Variants in CCDC7 observed in about 807,000 individuals in gnomAD.
CCDC7 encodes coiled-coil domain-containing protein 7.
CCDC7 carries 183 observed loss-of-function variants against 196.9 expected under a neutral mutation model. That is an observed-to-expected ratio of 0.93 (90% CI 0.82 to 1.05). CCDC7 has a LOEUF of 1.05. Among genes scored for constraint, CCDC7 ranks in the 50% least tolerant of loss-of-function variants. The pLI is 0.00. For synonymous variants in CCDC7, 525 were observed against 484.6 expected (o/e 1.08, Z -1.10); for missense variants, 1,540 against 1,482.2 (o/e 1.04, Z -0.64).
chr10:32,589,342 T>C (rs998345313), intron 18 of CCDC7, among the ~76,000 whole-genome samples: 2 of 152,222 alleles, frequency 1.3e-5, no homozygotes, highest in Admixed American at 1.3e-4. Context: ...ATTCTTTTTA[T>C]GGCTGAATAG....
rs2077355280 is a variant in CCDC7, at chr10:32,693,739, G to A, written c.2345-1140G>A. Among the ~76,000 whole-genome samples, 3 of 152,268 alleles carry A rather than the reference G, an allele frequency of 2.0e-5. No homozygotes were observed. In the South Asian group the frequency reaches 6.2e-4, roughly 32 times the overall value. On this transcript the variant is annotated intron_variant, in intron 23 of 41. Transcript: ENST00000639629. ...GTGTCTGCATGAATTTTCTCCAGGTGCTCCAATTTCCTCCCACATTCCAAA... is the reference window on the plus strand; with the variant it reads ...GTGTCTGCATGAATTTTCTCCAGGTACTCCAATTTCCTCCCACATTCCAAA...
exon 29 of CCDC7, chr10:32,778,984 T>C: frequency 1.3e-6 from 2 of 1,548,984 alleles, no homozygotes; most frequent in Non-Finnish European, 1.7e-6. Context: ...CAGTTAAAAA[T>C]GAAGCAGCCT....
chr10:32,628,147 C>T (rs553265689), intron 18 of CCDC7, among the ~76,000 whole-genome samples: 1 of 151,984 alleles, frequency 6.6e-6, no homozygotes, highest in Non-Finnish European at 1.5e-5. Context: ...AGATCCAGGA[C>T]TTTTCTTTCA....
intron 1 of CCDC7, among the ~76,000 whole-genome samples, chr10:32,453,044 ACTTAATG>A (rs1378399705): frequency 6.6e-6 from 1 of 152,152 alleles, no homozygotes; most frequent in African/African-American, 2.4e-5. Flanking sequence ...GGAAAACTCT[ACTTAATG>A]CTTCAACCAC....
chr10:32,639,660 C>T (rs1344514303), intron 20 of CCDC7, among the ~76,000 whole-genome samples: 2 of 145,522 alleles, frequency 1.4e-5, no homozygotes, highest in Non-Finnish European at 1.5e-5. Context: ...TGGAGTCTAG[C>T]TTTGTCGTCC....
rs555486535 is a variant in CCDC7, at chr10:32,593,859, C to T, written c.1801+9555C>T. Among the ~76,000 whole-genome samples the T allele has an allele frequency of 3.4e-4, 51 of 152,048 alleles. 1 individual carries two copies. The highest frequency in any genetic ancestry group is 3.3e-3 in the Admixed American group (50 of 15,264). On this transcript the variant is annotated intron_variant, in intron 18 of 41. Coordinates refer to ENST00000639629, the Ensembl canonical transcript of CCDC7. ...GGTTTGTCAAAGATCAGATGGTTTT[C>T]AATGTGTGATATTATTTCCGAGGGC...
chr10:32,563,827 G>C (rs928130265), intron 13 of CCDC7, among the ~76,000 whole-genome samples: 68 of 151,944 alleles, frequency 4.5e-4, no homozygotes, highest in African/African-American at 1.5e-3. Flanking sequence ...AAGAGCTTCT[G>C]CACAGCAAAA....
At position 32,640,237 on chromosome 10, in the gene CCDC7, C is replaced by G. The variant is rs568575883; in HGVS notation, c.2014+5079C>G. On this transcript the variant is annotated intron_variant, in intron 20 of 41. Coordinates refer to ENST00000639629, the Ensembl canonical transcript of CCDC7. ...AATCTGGGTGCTCCTGTATTGGGTG[C>G]ATACATATTTAGGATAGTCAGCTCT... 2.6e-4 allele frequency among the ~76,000 whole-genome samples: 39 copies of G among 152,296 alleles called. No individual in the cohort carries two copies. The South Asian group carries it at 7.7e-3, about 30-fold the overall frequency.
chr10:32,594,412 T>A (rs1211253090), intron 18 of CCDC7, among the ~76,000 whole-genome samples: 1 of 152,220 alleles, frequency 6.6e-6, no homozygotes, highest in Non-Finnish European at 1.5e-5. Context: ...ATCCTGAGAC[T>A]TTGCTGAAGT....
chr10:32,769,263 T>C (rs2078788940), intron 28 of CCDC7, among the ~76,000 whole-genome samples: 1 of 151,918 alleles, frequency 6.6e-6, no homozygotes, highest in African/African-American at 2.4e-5. Context: ...AATTTATCCA[T>C]TTCCTCTAGG....
chr10:32,451,580 T>C, upstream of CCDC7: 2 of 1,518,100 alleles, frequency 1.3e-6, no homozygotes, highest in Non-Finnish European at 1.8e-6. Flanking sequence ...AATCTCTTAT[T>C]TTTTTTCACA....
rs201987728 is a variant in CCDC7 at position 32,511,255 on chromosome 10, G to GT, written c.873-6690_873-6689insT. The GT allele has an allele frequency of 3.6e-3, 2,363 of 658,594 alleles. 109 individuals carry two copies. Among genetic ancestry groups the GT allele is most frequent in the Admixed American group, 0.025 (859 of 33,808 alleles). The allele number at this position is 658,594 out of a possible 1,614,324, so 40.8% of individuals were successfully genotyped here. On this transcript the variant is annotated intron_variant, in intron 9 of 41. Transcript: ENST00000639629. The stretch of plus-strand genomic sequence containing the variant: ...TTGTCCTGCCACAGAATTATTCTGT[G>GT]GGGGGCGGGGGGGGCGGGGAAATGT...
At chr10:32,473,865 C>T in intron 7 of CCDC7, 102 bp from the exon 9 acceptor site, 1 of 1,111,304 alleles carries the variant, frequency 9.0e-7, no homozygotes, top group Non-Finnish European at 1.2e-6. Flanking sequence ...AGTTTTCTTT[C>T]TTCTGAATAA....
At chr10:32,658,757 T>G (rs1470086010) in intron 20 of CCDC7, among the ~76,000 whole-genome samples, 1 of 152,208 alleles carries the variant, frequency 6.6e-6, no homozygotes, top group Non-Finnish European at 1.5e-5. Context: ...TCCAGGCCCA[T>G]AAAGACATAT....
intron 41 of CCDC7, among the ~76,000 whole-genome samples, chr10:32,873,690 T>C (rs957001547): frequency 1.3e-5 from 2 of 152,010 alleles, no homozygotes; most frequent in Non-Finnish European, 2.9e-5. Flanking sequence ...CTATGAACAT[T>C]CATGTGACAT....
intron 9 of CCDC7, among the ~76,000 whole-genome samples, chr10:32,492,433 G>T (rs978337301): frequency 1.3e-5 from 2 of 152,112 alleles, no homozygotes; most frequent in Non-Finnish European, 2.9e-5. Flanking sequence ...AAAGATGGAA[G>T]CAACCCACAT....
intron 18 of CCDC7, among the ~76,000 whole-genome samples, chr10:32,593,021 G>A (rs1042692869): frequency 1.3e-5 from 2 of 152,176 alleles, no homozygotes; most frequent in Non-Finnish European, 2.9e-5. Context: ...GTGTGCATGT[G>A]TCTTTATAGC....
intron 21 of CCDC7, among the ~76,000 whole-genome samples, chr10:32,681,815 A>G (rs538305824): frequency 1.4e-4 from 21 of 151,908 alleles, no homozygotes; most frequent in African/African-American, 5.1e-4. Flanking sequence ...ATACATATAT[A>G]TGTGCATATA....
chr10:32,457,437 A>T (rs2034601081), intron 3 of CCDC7, among the ~76,000 whole-genome samples: 1 of 152,050 alleles, frequency 6.6e-6, no homozygotes, highest in African/African-American at 2.4e-5. Flanking sequence ...CTATTGATGG[A>T]CATTTAGGTT....
Sources: allele counts gnomAD v4.1 joint callset (sites outside exome capture counted in the v4.1 genomes callset), GRCh38; gene constraint gnomAD v4.1.1; transcripts MANE v1.5; gene names NCBI Gene and HGNC (gene_info 2026-07-23, HGNC 2026-07-21).